RSPH14: variants seen among roughly 807,000 people sequenced by gnomAD.
RSPH14 encodes rhabdoid tumor deletion region gene 1.
In RSPH14, 20 loss-of-function variants were observed where a neutral mutation model predicts 26.7. The observed-to-expected ratio is 0.75, with a 90% confidence interval of 0.53 to 1.09. RSPH14 has a LOEUF of 1.09. RSPH14 is among the 50% of genes least tolerant of loss of function. The pLI is 0.00. For missense variants in RSPH14, 449 were observed against 457.2 expected, an observed-to-expected ratio of 0.98 and a Z score of 0.16; for synonymous variants, 177 against 189.3, an observed-to-expected ratio of 0.93 and a Z score of 0.53.
intron 4 of RSPH14, among the ~76,000 whole-genome samples, chr22:23,115,958 G>T (rs1167813228): frequency 6.6e-6 from 1 of 152,224 alleles, no homozygotes; most frequent in Non-Finnish European, 1.5e-5. Flanking sequence ...AGTGCGGTTG[G>T]CTGAGGGCCT....
chr22:23,120,810 A>G (rs2070000225), intron 4 of RSPH14, among the ~76,000 whole-genome samples: 1 of 152,140 alleles, frequency 6.6e-6, no homozygotes, highest in Non-Finnish European at 1.5e-5. Flanking sequence ...CTCAAGCTCC[A>G]TCACCTGGCA....
chr22:23,078,712 G>A (rs1299808185), intron 4 of RSPH14, among the ~76,000 whole-genome samples: 3 of 152,242 alleles, frequency 2.0e-5, no homozygotes, highest in Admixed American at 2.0e-4. Flanking sequence ...ACTGGCACAG[G>A]AAGAAGGCCA....
chr22:23,170,799 C>T, the RSPH14 span, among the ~76,000 whole-genome samples: 2 of 142,510 alleles, frequency 1.4e-5, no homozygotes, highest in African/African-American at 5.3e-5. Context: ...TAACTACCTC[C>T]GAGGCACATT....
rs747696322 is a variant in RSPH14 at position 23,128,320 on chromosome 22, T to G, written c.421+5706A>C. 3.0e-4 allele frequency among the ~76,000 whole-genome samples: 45 copies of G among 152,176 alleles called. 1 individual carries two copies. The highest frequency in any genetic ancestry group is 5.4e-4 in the Non-Finnish European group (37 of 68,022). On this transcript the variant is annotated intron_variant, in intron 4 of 6. Transcript: ENST00000216036. ...CACCGATAGGGACACTCTGGCCTCT[T>G]GGTTCCTGGCCTGCCAGGCCTCCCC...
At chr22:23,070,668 C>T (rs1207074001) in intron 4 of RSPH14, 1 of 152,088 alleles carries the variant, frequency 6.6e-6, no homozygotes, top group Non-Finnish European at 1.5e-5. Context: ...GGACTCTTCC[C>T]AGGCCTTTGT....
chr22:23,160,664 G>A, the RSPH14 span, among the ~76,000 whole-genome samples: 1 of 152,146 alleles, frequency 6.6e-6, no homozygotes, highest in Non-Finnish European at 1.5e-5. Context: ...GCTGGAGCCA[G>A]GTGGGAGGCC....
chr22:23,123,886 G>A, intron 4 of RSPH14: 1 of 218,598 alleles, frequency 4.6e-6, no homozygotes. Context: ...CTGGCCTAGG[G>A]ACCTTGCCGC....
At chr22:23,134,871 C>CA (rs533633845) in intron 3 of RSPH14, among the ~76,000 whole-genome samples, 18 of 150,330 alleles carry the variant, frequency 1.2e-4, no homozygotes, top group Non-Finnish European at 2.1e-4. Flanking sequence ...TCAAAAAAGA[C>CA]AAAAAAAAGA....
the RSPH14 span, among the ~76,000 whole-genome samples, chr22:23,164,881 GCTC>G: frequency 1.3e-5 from 2 of 151,994 alleles, no homozygotes; most frequent in African/African-American, 2.4e-5. Flanking sequence ...GGCTTTCGAG[GCTC>G]CTCACCACCC....
At chr22:23,086,575 G>A (rs1412938569) in intron 4 of RSPH14, among the ~76,000 whole-genome samples, 2 of 152,180 alleles carry the variant, frequency 1.3e-5, no homozygotes, top group African/African-American at 4.8e-5. Context: ...GCCACAGCTG[G>A]GACCCAGAGT....
In RSPH14 at chr22:23,124,217, T is replaced by G. The variant is rs972948192; in HGVS notation, c.421+9809A>C. 1.7e-4 allele frequency: 27 copies of G among 162,688 alleles called. 1 individual carries two copies. In the South Asian group the frequency reaches 2.4e-3, roughly 14 times the overall value. 10.1% of individuals were successfully genotyped at this position (162,688 alleles called of 1,614,324 possible). A position where few individuals can be genotyped will look rare whatever the true frequency, so the allele number is the denominator to read the frequency against. ...TTTTTTTTTGTTTTGTTTTTTGGTT[T>G]TTTTTTTTTTTTGGCCAAATCTCGT... On this transcript the variant is annotated intron_variant, in intron 4 of 6. Transcript: ENST00000216036.
intron 4 of RSPH14, among the ~76,000 whole-genome samples, chr22:23,075,526 G>C (rs3788340): frequency 0.36 from 54,371 of 152,122 alleles, 11,508 homozygotes; most frequent in African/African-American, 0.6. Context: ...TCCAAAGGAA[G>C]CTGCCACATC....
intron 4 of RSPH14, among the ~76,000 whole-genome samples, chr22:23,072,293 A>G (rs2068399022): frequency 6.6e-6 from 1 of 152,062 alleles, no homozygotes; most frequent in Non-Finnish European, 1.5e-5. Context: ...GCATCCATCT[A>G]CGGGGTGCAG....
At chr22:23,060,397 G>A (rs897681729) in intron 6 of RSPH14, among the ~76,000 whole-genome samples, 2 of 151,928 alleles carry the variant, frequency 1.3e-5, no homozygotes, top group African/African-American at 4.8e-5. Context: ...GTGAACCTGG[G>A]AGGCGGAGCT....
chr22:23,177,414 T>C, the RSPH14 span, among the ~76,000 whole-genome samples: 113 of 152,240 alleles, frequency 7.4e-4, no homozygotes, highest in Non-Finnish European at 1.2e-3. Flanking sequence ...CCAGACCTGG[T>C]TGAGCACTTA....
At chr22:23,139,113 T>C (rs1030103666) in intron 2 of RSPH14, among the ~76,000 whole-genome samples, 171 bp from the exon 3 acceptor site, 26 of 152,214 alleles carry the variant, frequency 1.7e-4, no homozygotes, top group African/African-American at 5.5e-4. Context: ...TCAGAGTCAC[T>C]GAAGAGGCTC....
At chr22:23,145,720 G>A (rs2070729249), upstream of RSPH14, among the ~76,000 whole-genome samples, 1 of 152,254 alleles carries the variant, frequency 6.6e-6, no homozygotes, top group Non-Finnish European at 1.5e-5. Flanking sequence ...CGCAAACTCT[G>A]GGCCAGGCCC....
intron 4 of RSPH14, chr22:23,123,632 C>T (rs960134482): frequency 2.4e-5 from 14 of 590,606 alleles, no homozygotes; most frequent in Non-Finnish European, 4.2e-5. Flanking sequence ...TAGACACACA[C>T]ACATGCACAC....
chr22:23,129,349 T>C (rs968640854), intron 4 of RSPH14, among the ~76,000 whole-genome samples: 5 of 152,092 alleles, frequency 3.3e-5, no homozygotes, highest in African/African-American at 1.2e-4. Flanking sequence ...AACCCCGCGA[T>C]GAAGGGCCGA....
Sources: gnomAD v4.1 joint callset for allele counts (sites outside exome capture counted in the v4.1 genomes callset) on GRCh38, gnomAD v4.1.1 for gene constraint, MANE v1.5 for transcripts, NCBI Gene and HGNC (gene_info 2026-07-23, HGNC 2026-07-21) for gene names.